The following CUX2 variants were observed in gnomAD, a reference collection of about 807,000 sequenced individuals.
CUX2 encodes the protein cut like homeobox 2, also known as homeobox protein cut-like 2.
In CUX2, 40 loss-of-function variants were observed where a neutral mutation model predicts 144.8. The ratio of observed to expected loss-of-function variants is 0.28; its 90% CI spans 0.21 to 0.36. The LOEUF (loss-of-function observed/expected upper bound fraction) is 0.36, where lower values mean the gene tolerates loss of function less well. CUX2 is among the 10% of genes least tolerant of loss of function. The probability of loss-of-function intolerance (pLI) is 1.00; values close to 1 mark genes in which losing one functional copy is unlikely to be tolerated. For synonymous variants in CUX2, 827 were observed against 875.6 expected, an observed-to-expected ratio of 0.94 and a Z score of 0.98; for missense variants, 1,615 against 1,994.0, an observed-to-expected ratio of 0.81 and a Z score of 3.62.
chr12:111,160,377 A>G lies in CUX2; in HGVS notation c.64-53823A>G, dbSNP rs1268575940. Among the ~76,000 whole-genome samples the G allele has an allele frequency of 6.6e-6, 1 of 152,016 alleles. No homozygotes were observed. The highest frequency in any genetic ancestry group is 1.5e-5 in the Non-Finnish European group (1 of 67,988). ...CGTGTCAGAGTGTGTATGGGCAAGCATGTGTGTGCGGGCATCTGGGCGTAT... is the reference window on the plus strand; with the variant it reads ...CGTGTCAGAGTGTGTATGGGCAAGCGTGTGTGTGCGGGCATCTGGGCGTAT... On this transcript the variant is annotated intron_variant, in intron 1 of 21. Transcript: ENST00000261726. The surrounding 1 kb of genome is among the most constrained non-coding windows in gnomAD (Gnocchi z 4.1).
rs186927552 is a variant in CUX2 at position 111,266,338 on chromosome 12, G to T, written c.301+2499G>T. 2.1e-3 allele frequency among the ~76,000 whole-genome samples: 322 copies of T among 152,190 alleles called. 1 individual carries two copies. Among genetic ancestry groups the T allele is most frequent in the African/African-American group, 7.4e-3 (308 of 41,540 alleles). On this transcript the variant is annotated intron_variant, in intron 4 of 21. Coordinates refer to ENST00000261726, the MANE Select transcript of CUX2 (RefSeq NM_015267.4). Reference sequence around the variant, plus strand: ...CTAAAAATACAAAAATTAGCCAGGTGTGGTAGCCTGTATTCCCAGCTACTC... The same window carrying T: ...CTAAAAATACAAAAATTAGCCAGGTTTGGTAGCCTGTATTCCCAGCTACTC...
At chr12:111,100,079 C>G (rs765791467) in intron 1 of CUX2, 1 of 456,614 alleles carries the variant, frequency 2.2e-6, no homozygotes, top group Non-Finnish European at 4.4e-6. Context: ...CTTCTGGGAG[C>G]CTTGGACGGC....
chr12:111,300,753 C>G (rs1421574011), intron 9 of CUX2, among the ~76,000 whole-genome samples: 1 of 152,120 alleles, frequency 6.6e-6, no homozygotes, highest in Non-Finnish European at 1.5e-5. Context: ...TAAGAACAGG[C>G]AAGACTGCAC....
At chr12:111,090,971 C>T (rs61254198) in intron 1 of CUX2, among the ~76,000 whole-genome samples, 1 of 152,118 alleles carries the variant, frequency 6.6e-6, no homozygotes, top group Non-Finnish European at 1.5e-5. Flanking sequence ...GCCGAGGCTC[C>T]CTGTGTGCTT....
chr12:111,322,147 A>G lies in CUX2; in HGVS notation c.2767-274A>G, dbSNP rs560123326. ...AGCCTGGCCAATGTGGCAAAACCCC[A>G]TCTCTACTAAAAATACAAAAATTAG... On this transcript the variant is annotated intron_variant, in intron 17 of 21. Transcript: ENST00000261726. This position sits in a 1 kb window ranked among gnomAD's most constrained non-coding sequence, Gnocchi z 4.2. Among the ~76,000 whole-genome samples the G allele has an allele frequency of 5.9e-5, 9 of 152,010 alleles. No individual in the cohort carries two copies. Among genetic ancestry groups the G allele is most frequent in the Non-Finnish European group, 7.4e-5 (5 of 67,954 alleles).
intron 18 of CUX2, among the ~76,000 whole-genome samples, chr12:111,334,182 G>A (rs1221904560): frequency 9.3e-5 from 12 of 129,316 alleles, no homozygotes; most frequent in East Asian, 9.3e-4. Context: ...GCGAGACTCC[G>A]TCTTAAAAAA....
chr12:111,227,790 A>G (rs1005968904), intron 3 of CUX2, among the ~76,000 whole-genome samples: 5 of 151,952 alleles, frequency 3.3e-5, no homozygotes, highest in Non-Finnish European at 7.4e-5. Context: ...GCTCCCCTAG[A>G]GCACACCCCT....
intron 1 of CUX2, among the ~76,000 whole-genome samples, chr12:111,107,510 C>T (rs911104431): frequency 6.6e-6 from 1 of 152,250 alleles, no homozygotes; most frequent in African/African-American, 2.4e-5. Flanking sequence ...GCAGGTTTCA[C>T]CTGGGGAGGG....
Position 111,341,877 on chromosome 12 carries a change from G to A in CUX2, c.3483G>A (p.Gln1161=), listed in dbSNP as rs1294604851. 3 of 1,614,030 alleles carry A rather than the reference G, an allele frequency of 1.9e-6. No homozygotes were observed. The South Asian group carries it at 3.3e-5, about 18-fold the overall frequency. The change falls in exon 21 of 22, where the codon CAG becomes CAA. Residue 1161 remains glutamine (Q), a synonymous_variant. Coordinates refer to ENST00000261726, the MANE Select transcript of CUX2 (RefSeq NM_015267.4). Reference sequence around the variant, plus strand: ...GCCCCAGCCCCTGCCTGCAGCCCCAGGACCTGAGCCTCCTGCAGATCAAGA... The same window carrying A: ...GCCCCAGCCCCTGCCTGCAGCCCCAAGACCTGAGCCTCCTGCAGATCAAGA... ...SECPSPCLQP[Q]DLSLLQIKKP...
chr12:111,169,800 C>A (rs142001664), intron 1 of CUX2, among the ~76,000 whole-genome samples: 1 of 152,248 alleles, frequency 6.6e-6, no homozygotes, highest in African/African-American at 2.4e-5. Flanking sequence ...GAGTACACGC[C>A]TTATGTATTG....
chr12:111,112,531 A>G (rs1874038698), intron 1 of CUX2, among the ~76,000 whole-genome samples: 1 of 151,948 alleles, frequency 6.6e-6, no homozygotes, highest in Non-Finnish European at 1.5e-5. Flanking sequence ...GGCGTGGGGA[A>G]GGAATTGCTT....
At chr12:111,192,593 C>T (rs1879965205) in intron 1 of CUX2, among the ~76,000 whole-genome samples, 1 of 152,178 alleles carries the variant, frequency 6.6e-6, no homozygotes, top group South Asian at 2.1e-4. Flanking sequence ...CCACCAGGAA[C>T]CCTAGGAAAG....
intron 18 of CUX2, among the ~76,000 whole-genome samples, chr12:111,324,072 C>T (rs140603923): frequency 6.9e-4 from 105 of 152,024 alleles, no homozygotes; most frequent in Middle Eastern, 3.4e-3. Context: ...ATGTATAGGC[C>T]GGGTGTGATG....
At chr12:111,314,639 T>TAAAAAAAAAAAAAAAAAAAAAAAAAA (rs954472479) in intron 16 of CUX2, among the ~76,000 whole-genome samples, 1 of 23,238 alleles carries the variant, frequency 4.3e-5, no homozygotes, top group African/African-American at 1.6e-4. Flanking sequence ...AAACTCAGTC[T>TAAAAAAAAAAAAAAAAAAAAAAAAAA]AAAAAAAAAA....
At chr12:111,290,677 A>G (rs901545804) in intron 4 of CUX2, among the ~76,000 whole-genome samples, 1 of 151,954 alleles carries the variant, frequency 6.6e-6, no homozygotes, top group African/African-American at 2.4e-5. Flanking sequence ...TCCACCTGCC[A>G]CAGCCTCCCA....
chr12:111,054,761 G>A (rs1870439544), intron 1 of CUX2, among the ~76,000 whole-genome samples: 1 of 152,136 alleles, frequency 6.6e-6, no homozygotes, highest in Non-Finnish European at 1.5e-5. Context: ...TGAGTAGCTA[G>A]GATTACAGGC....
Position 111,307,144 on chromosome 12 carries a change from C to T in CUX2, c.1050+32C>T, listed in dbSNP as rs759660315. 6.2e-6 allele frequency: 10 copies of T among 1,613,194 alleles called. No homozygotes were observed. The East Asian group carries it at 1.6e-4, about 25-fold the overall frequency. On this transcript the variant is annotated intron_variant, in intron 11 of 21. Transcript: ENST00000261726. This position sits in a 1 kb window ranked among gnomAD's most constrained non-coding sequence, Gnocchi z 4.1. ...CCTGGGGAGGAGGCAGGCGGGCAGG[C>T]GGCCCCATGCAGAAGCACACAGACC...
In CUX2 at chr12:111,289,377, G is replaced by C. The variant is rs1885560764; in HGVS notation, c.302-2041G>C. 6.6e-6 allele frequency among the ~76,000 whole-genome samples: 1 copy of C among 152,144 alleles called. No homozygotes were observed. The highest frequency in any genetic ancestry group is 1.5e-5 in the Non-Finnish European group (1 of 68,026). On this transcript the variant is annotated intron_variant, in intron 4 of 21. Coordinates refer to ENST00000261726, the MANE Select transcript of CUX2 (RefSeq NM_015267.4). This position sits in a 1 kb window ranked among gnomAD's most constrained non-coding sequence, Gnocchi z 4.1. ...CATCTACCTTTCAGCAAGTCACCTG[G>C]TTTCTCTGAGCCTCAGTTTCCTCAT...
intron 1 of CUX2, among the ~76,000 whole-genome samples, chr12:111,043,147 A>G (rs1348645264): frequency 6.6e-6 from 1 of 152,244 alleles, no homozygotes; most frequent in Admixed American, 6.5e-5. Context: ...TAAGCAAGGA[A>G]GGCAAGGTGC....
Sources: gnomAD v4.1 joint callset for allele counts (sites outside exome capture counted in the v4.1 genomes callset) on GRCh38, gnomAD v4.1.1 for gene constraint, Gnocchi (gnomAD v3.1) non-coding constraint, MANE v1.5 for transcripts, NCBI Gene and HGNC (gene_info 2026-07-23, HGNC 2026-07-21) for gene names.